Variants in CACNA2D2 observed in about 807,000 individuals in gnomAD.
The protein encoded by CACNA2D2 is voltage-dependent calcium channel subunit alpha-2/delta-2.
CACNA2D2 carries 48 observed loss-of-function variants against 166.4 expected under a neutral mutation model. The ratio of observed to expected loss-of-function variants is 0.29; its 90% CI spans 0.23 to 0.37. The LOEUF is 0.37. Among genes scored for constraint, CACNA2D2 ranks in the 10% least tolerant of loss-of-function variants. The pLI, the probability that CACNA2D2 is intolerant of heterozygous loss-of-function variation, is 1.00. For synonymous variants in CACNA2D2, 561 were observed against 573.7 expected, an observed-to-expected ratio of 0.98 and a Z score of 0.32; for missense variants, 1,122 against 1,433.0, an observed-to-expected ratio of 0.78 and a Z score of 3.50.
intron 1 of CACNA2D2, among the ~76,000 whole-genome samples, chr3:50,496,020 C>T (rs1379356422): frequency 1.3e-5 from 2 of 152,228 alleles, no homozygotes; most frequent in African/African-American, 4.8e-5. Context: ...CTTTCCAGCT[C>T]AGCTTTAACT....
intron 3 of CACNA2D2, among the ~76,000 whole-genome samples, chr3:50,401,259 AT>A (rs941821427): frequency 2.7e-4 from 41 of 150,788 alleles, no homozygotes; most frequent in Admixed American, 5.3e-4. Context: ...AGTAAAATGG[AT>A]TTTTTTTTTA....
chr3:50,368,421 A>T lies in CACNA2D2; in HGVS notation c.2046-186T>A, dbSNP rs369542449. ...GCTGCTCGGGTCTGAGTCGGGGCAG[A>T]GCTGACACAAGAATGAGGGTCTACT... On this transcript the variant is annotated intron_variant, in intron 23 of 37. Transcript: ENST00000424201. Among the ~76,000 whole-genome samples, 8 of 152,218 alleles carry T rather than the reference A, an allele frequency of 5.3e-5. No individual in the cohort carries two copies. In the East Asian group the frequency reaches 1.5e-3, roughly 29 times the overall value.
chr3:50,448,328 G>A (rs900985674), intron 2 of CACNA2D2, among the ~76,000 whole-genome samples: 3 of 152,220 alleles, frequency 2.0e-5, no homozygotes, highest in African/African-American at 7.2e-5. Context: ...AGTTTACAAT[G>A]CTGGGAGGTT....
At chr3:50,482,370 T>C (rs1257325889) in intron 1 of CACNA2D2, among the ~76,000 whole-genome samples, 2 of 152,198 alleles carry the variant, frequency 1.3e-5, no homozygotes, top group African/African-American at 2.4e-5. Context: ...CTGAGTGTAC[T>C]GAGTGTACAG....
chr3:50,498,209 A>G (rs1232561553), intron 1 of CACNA2D2, among the ~76,000 whole-genome samples: 1 of 152,132 alleles, frequency 6.6e-6, no homozygotes, highest in African/African-American at 2.4e-5. Flanking sequence ...TGACTCCCAA[A>G]CCTCCAGCTG....
chr3:50,473,199 C>A (rs971348470), intron 2 of CACNA2D2, among the ~76,000 whole-genome samples: 1 of 152,224 alleles, frequency 6.6e-6, no homozygotes, highest in African/African-American at 2.4e-5. Flanking sequence ...CAGAAGTATG[C>A]CACAGTTTCA....
intron 3 of CACNA2D2, among the ~76,000 whole-genome samples, chr3:50,425,813 C>T (rs1707782010): frequency 6.6e-6 from 1 of 152,174 alleles, no homozygotes; most frequent in South Asian, 2.1e-4. Context: ...TTCATTTTCT[C>T]CATTCAACGG....
At position 50,496,312 on chromosome 3, in the gene CACNA2D2, C is replaced by T. The variant is rs114443722; in HGVS notation, c.206+6906G>A. The stretch of plus-strand genomic sequence containing the variant: ...GAATGCCCATGCACACACATCTACA[C>T]ACATGCATCCATGTGTGAGTACAAA... On this transcript the variant is annotated intron_variant, in intron 1 of 37. Coordinates refer to ENST00000424201, the MANE Select transcript of CACNA2D2 (RefSeq NM_006030.4). 9.2e-3 allele frequency among the ~76,000 whole-genome samples: 1,400 copies of T among 152,374 alleles called. 26 individuals are homozygous for T. The highest frequency in any genetic ancestry group is 0.031 in the African/African-American group (1,305 of 41,582).
chr3:50,370,177 G>A (rs907524597), intron 23 of CACNA2D2, 143 bp downstream of exon 23: 55 of 668,676 alleles, frequency 8.2e-5, no homozygotes, highest in African/African-American at 1.2e-4. Flanking sequence ...GCACACAGCC[G>A]CGCATACCGG....
At chr3:50,378,489 T>C (rs1345073295) in intron 13 of CACNA2D2, among the ~76,000 whole-genome samples, 156 bp from the exon 14 acceptor site, 2 of 152,214 alleles carry the variant, frequency 1.3e-5, no homozygotes, top group African/African-American at 2.4e-5. Flanking sequence ...GCCTCTGCCC[T>C]GCCAAGGGCG....
At chr3:50,364,850 G>C (rs201737407) in intron 37 of CACNA2D2, 38 bp downstream of exon 37, 2 of 1,613,116 alleles carry the variant, frequency 1.2e-6, no homozygotes, top group African/African-American at 2.7e-5. Flanking sequence ...GCGGGCGCAA[G>C]GCCGCGGGAT....
In CACNA2D2 at chr3:50,380,975, G is replaced by C. The variant is rs746907949; in HGVS notation, c.784+20C>G. On this transcript the variant is annotated intron_variant, in intron 7 of 37. Transcript: ENST00000424201. This position sits in a 1 kb window ranked among gnomAD's most constrained non-coding sequence, Gnocchi z 4.9. ...AAAGGCGAGGTGCTGGGTAGACAGGGGACAGGGGCTGGTACCTACCCGGGT... is the reference window on the plus strand; with the variant it reads ...AAAGGCGAGGTGCTGGGTAGACAGGCGACAGGGGCTGGTACCTACCCGGGT... 81 of 1,613,146 alleles carry C rather than the reference G, an allele frequency of 5.0e-5. 1 individual carries two copies. Among genetic ancestry groups the C allele is most frequent in the Non-Finnish European group, 6.6e-5 (78 of 1,179,446 alleles).
At chr3:50,368,845 C>T (rs1704496407) in intron 23 of CACNA2D2, among the ~76,000 whole-genome samples, 1 of 152,246 alleles carries the variant, frequency 6.6e-6, no homozygotes, top group Admixed American at 6.5e-5. Flanking sequence ...GTCCAGAGAA[C>T]ATGGGGCTGT....
chr3:50,374,775 A>G lies in CACNA2D2; in HGVS notation c.1946T>C (p.Leu649Pro), dbSNP rs1575596296. The G allele has an allele frequency of 1.3e-6, 2 of 1,597,434 alleles. No homozygotes were observed. Among genetic ancestry groups the G allele is most frequent in the South Asian group, 1.1e-5 (1 of 88,366 alleles). ...GATCTGGTCACTGAGATTGGCTTGG[A>G]GGTAGAAGGTGCTGTAGGGTGGGAG... is the stretch of plus-strand genomic sequence containing the variant. ...LVLPPYSTFY[L>P]QANLSDQILQ... is the part of the protein sequence containing the mutation. Residue 649 changes from leucine (L) to proline (P), a missense_variant, in exon 22 of 38, where the codon CTC becomes CCC. By Grantham distance (98) the Leu-to-Pro change is moderately conservative. This residue lies in a region of CACNA2D2 where 840 missense variants were observed against 1,166.8 expected (regional missense o/e 0.72). Coordinates refer to ENST00000424201, the MANE Select transcript of CACNA2D2 (RefSeq NM_006030.4).
chr3:50,364,872 C>T lies in CACNA2D2; in HGVS notation c.3291+16G>A, dbSNP rs143845866. The T allele has an allele frequency of 1.2e-6, 2 of 1,613,356 alleles. No homozygotes were observed. The highest frequency in any genetic ancestry group is 1.7e-6 in the Non-Finnish European group (2 of 1,179,916). The stretch of plus-strand genomic sequence containing the variant: ...CAAGGCCGCGGGATTTCGGGTCCAC[C>T]GCCCCCTCTCCTCACTGTCGCGTTG... On this transcript the variant is annotated intron_variant, in intron 37 of 37. Coordinates refer to ENST00000424201, the MANE Select transcript of CACNA2D2 (RefSeq NM_006030.4).
rs1281511380 is a variant in CACNA2D2, at chr3:50,427,054, G to C, written c.405+7259C>G. 6.6e-6 allele frequency among the ~76,000 whole-genome samples: 1 copy of C among 152,144 alleles called. No individual in the cohort carries two copies. The highest frequency in any genetic ancestry group is 1.5e-5 in the Non-Finnish European group (1 of 68,012). On this transcript the variant is annotated intron_variant, in intron 3 of 37. Coordinates refer to ENST00000424201, the MANE Select transcript of CACNA2D2 (RefSeq NM_006030.4). This position sits in a 1 kb window ranked among gnomAD's most constrained non-coding sequence, Gnocchi z 4.7. ...TCCCCACACTCATGTCCAGCTGTTG[G>C]GGGTAGCGTCTTTGCCCAAGGCTCA...
intron 3 of CACNA2D2, 23 bp from the exon 4 acceptor site, chr3:50,394,191 G>A (rs770703581): frequency 1.9e-6 from 3 of 1,611,440 alleles, no homozygotes; most frequent in Non-Finnish European, 8.5e-7. Context: ...GCACAGGGAG[G>A]TCAGAAGCGG....
intron 2 of CACNA2D2, among the ~76,000 whole-genome samples, chr3:50,445,362 G>A (rs1467744560): frequency 5.3e-5 from 8 of 152,166 alleles, no homozygotes. Context: ...ACAAGGCACC[G>A]GTAAGGCAGT....
At chr3:50,456,732 C>T (rs1386694306) in intron 2 of CACNA2D2, among the ~76,000 whole-genome samples, 1 of 152,150 alleles carries the variant, frequency 6.6e-6, no homozygotes, top group Admixed American at 6.5e-5. Context: ...ACTAGGAACA[C>T]GGATAGTGTC....
Sources: allele counts gnomAD v4.1 joint callset (sites outside exome capture counted in the v4.1 genomes callset), GRCh38; gene constraint gnomAD v4.1.1; regional missense constraint gnomAD v4.1.1; non-coding constraint Gnocchi (gnomAD v3.1); transcripts MANE v1.5; gene names NCBI Gene and HGNC (gene_info 2026-07-23, HGNC 2026-07-21).